TIAM2: variants seen among roughly 807,000 people sequenced by gnomAD.
TIAM2 encodes TIAM Rac1 associated GEF 2.
In TIAM2, 80 loss-of-function variants were observed where a neutral mutation model predicts 152.9. The ratio of observed to expected loss-of-function variants is 0.52; its 90% CI spans 0.44 to 0.63. The LOEUF is 0.63. TIAM2 is among the 30% of genes least tolerant of loss of function. The pLI is 0.00. For synonymous variants in TIAM2, 804 were observed against 838.0 expected (o/e 0.96, Z 0.70); for missense variants, 1,965 against 2,120.1 (o/e 0.93, Z 1.44).
intron 15 of TIAM2, among the ~76,000 whole-genome samples, chr6:155,234,012 GTT>G (rs1782610395): frequency 6.7e-6 from 1 of 148,208 alleles, no homozygotes. Context: ...TTGGGGGGGG[GTT>G]GGGGTTCAAT....
At chr6:155,210,918 A>T (rs1318467053) in intron 14 of TIAM2, among the ~76,000 whole-genome samples, 1 of 152,242 alleles carries the variant, frequency 6.6e-6, no homozygotes, top group Non-Finnish European at 1.5e-5. Context: ...AGGGGAGCAT[A>T]GTTCACACAA....
intron 1 of TIAM2, among the ~76,000 whole-genome samples, chr6:155,028,806 CTATA>C (rs1267247428): frequency 2.3e-5 from 3 of 130,250 alleles, no homozygotes; most frequent in African/African-American, 8.8e-5. Context: ...GTGTTATATA[CTATA>C]TATAATATAT....
At chr6:155,144,916 T>G in intron 6 of TIAM2, 138 bp downstream of exon 6, 2 of 953,438 alleles carry the variant, frequency 2.1e-6, no homozygotes, top group Non-Finnish European at 3.0e-6. Flanking sequence ...CAACAGATGT[T>G]GGCTTCCGCT....
At position 155,244,752 on chromosome 6, in the gene TIAM2, T is replaced by G. The variant is rs1255062941; in HGVS notation, c.3512T>G (p.Phe1171Cys). The change falls in exon 18 of 27, where the codon TTT (phenylalanine) becomes TGT (cysteine). Residue 1171 changes from phenylalanine to cysteine, a missense_variant. This residue lies in a region of TIAM2 where 935 missense variants were observed against 980.0 expected (regional missense o/e 0.95). Transcript: ENST00000682666. Reference sequence around the variant, plus strand: ...GATGGGATTTCAGCATCATCTGACTTTAACACCCTAGAAACCCCCTCACAG... The same window carrying G: ...GATGGGATTTCAGCATCATCTGACTGTAACACCCTAGAAACCCCCTCACAG... Reference protein sequence around the residue: ...LEDGISASSDFNTLETPSQFR... With the variant: ...LEDGISASSDCNTLETPSQFR... The G allele has an allele frequency of 5.6e-6, 9 of 1,613,816 alleles. No homozygotes were observed. The highest frequency in any genetic ancestry group is 7.6e-6 in the Non-Finnish European group (9 of 1,179,844).
chr6:155,117,807 A>T (rs1779050176), intron 2 of TIAM2, among the ~76,000 whole-genome samples: 1 of 152,156 alleles, frequency 6.6e-6, no homozygotes, highest in Non-Finnish European at 1.5e-5. Flanking sequence ...CCCTCCAGGC[A>T]CAAGCTGATG....
At chr6:155,127,762 C>T (rs992632141) in intron 3 of TIAM2, among the ~76,000 whole-genome samples, 162 bp downstream of exon 3, 3 of 152,308 alleles carry the variant, frequency 2.0e-5, no homozygotes, top group African/African-American at 7.2e-5. Context: ...TTTGTGGCTA[C>T]ACATTCTTAG....
At chr6:155,007,197 G>T (rs533232906) in intron 1 of TIAM2, among the ~76,000 whole-genome samples, 1 of 152,036 alleles carries the variant, frequency 6.6e-6, no homozygotes, top group Non-Finnish European at 1.5e-5. Flanking sequence ...CTCTCTTCCC[G>T]TCTCTTTTCC....
intron 4 of TIAM2, among the ~76,000 whole-genome samples, chr6:155,130,871 T>C (rs1779430209): frequency 6.6e-6 from 1 of 152,152 alleles, no homozygotes; most frequent in Non-Finnish European, 1.5e-5. Context: ...AGGACCCTAA[T>C]CCCATCATGG....
intron 15 of TIAM2, among the ~76,000 whole-genome samples, chr6:155,234,184 C>A (rs560428261): frequency 1.4e-4 from 21 of 152,198 alleles, no homozygotes; most frequent in South Asian, 1.0e-3. Flanking sequence ...CTGGAAAAAA[C>A]CAATCTGAGG....
chr6:155,143,762 G>A (rs1779763915), intron 5 of TIAM2, among the ~76,000 whole-genome samples: 1 of 152,146 alleles, frequency 6.6e-6, no homozygotes. Context: ...TCACATCCCT[G>A]CTGCTCCACA....
At chr6:155,017,015 T>G (rs980785166) in intron 1 of TIAM2, among the ~76,000 whole-genome samples, 1 of 152,190 alleles carries the variant, frequency 6.6e-6, no homozygotes, top group Non-Finnish European at 1.5e-5. Flanking sequence ...ATTCAAAAAG[T>G]TGATCTGATG....
At position 155,137,470 on chromosome 6, in the gene TIAM2, G is replaced by A; in HGVS notation, c.1488G>A (p.Leu496=). The change falls in exon 5 of 27, where the codon CTG becomes CTA. Residue 496 remains leucine, a synonymous_variant. Transcript: ENST00000682666. ...SSESLSSLEQ[L]DLLFEKEQGV... ...AGTCACTCAGCTCTCTGGAACAGCT[G>A]GATCTGCTCTTTGAGAAGGAACAGG... 1.2e-6 allele frequency: 2 copies of A among 1,614,246 alleles called. No individual in the cohort carries two copies. Among genetic ancestry groups the A allele is most frequent in the Non-Finnish European group, 1.7e-6 (2 of 1,180,036 alleles).
In TIAM2 at chr6:155,048,757, A is replaced by G. The variant is rs543714748; in HGVS notation, c.-208-41532A>G. Among the ~76,000 whole-genome samples, 5 of 151,802 alleles carry G rather than the reference A, an allele frequency of 3.3e-5. No individual in the cohort carries two copies. The East Asian group carries it at 9.7e-4, about 29-fold the overall frequency. ...TGCAACAAAGAAACAAACTCAGTGC[A>G]TGTTTGAACAGAAGGAGATCTTGAA... On this transcript the variant is annotated intron_variant, in intron 1 of 26. Coordinates refer to ENST00000682666, the MANE Select transcript of TIAM2 (RefSeq NM_012454.4).
chr6:155,067,622 G>A (rs183099699), intron 1 of TIAM2, among the ~76,000 whole-genome samples: 11 of 134,692 alleles, frequency 8.2e-5, no homozygotes, highest in African/African-American at 2.9e-4. Context: ...GTTAGATGAG[G>A]GTTAGGGATG....
Position 155,139,840 on chromosome 6 carries a change from T to C in TIAM2, c.1630+2228T>C, listed in dbSNP as rs932489194. 2.6e-5 allele frequency among the ~76,000 whole-genome samples: 4 copies of C among 152,196 alleles called. No individual in the cohort carries two copies. The East Asian group carries it at 7.7e-4, about 29-fold the overall frequency. On this transcript the variant is annotated intron_variant, in intron 5 of 26. Coordinates refer to ENST00000682666, the MANE Select transcript of TIAM2 (RefSeq NM_012454.4). ...CTGTAATCCCAGCTACTCAGGAGGC[T>C]GAGGCTGCAGAATCGCTTGAACCTG...
At chr6:155,102,767 T>TTGTGTGTGTGTGTGTGTGTG (rs56117781) in intron 2 of TIAM2, among the ~76,000 whole-genome samples, 1 of 145,652 alleles carries the variant, frequency 6.9e-6, no homozygotes, top group African/African-American at 2.5e-5. Context: ...GATTAATTTA[T>TTGTGTGTGTGTGTGTGTGTG]TGTGTGTGTG....
intron 7 of TIAM2, among the ~76,000 whole-genome samples, chr6:155,162,874 T>C (rs3792961): frequency 0.13 from 20,123 of 152,268 alleles, 1,427 homozygotes; most frequent in Admixed American, 0.2. Flanking sequence ...CACCTTGGAA[T>C]GTCACTGTTT....
rs35964434 is a variant in TIAM2 at position 155,176,873 on chromosome 6, G to A, written c.2419G>A (p.Ala807Thr). The change falls in exon 10 of 27, where the codon GCA becomes ACA. Residue 807 changes from alanine to threonine, a missense_variant. Around this residue, in one of 3 missense-constraint regions of TIAM2, gnomAD observed 1,025 missense variants for 1,119.4 expected, o/e 0.92. Transcript: ENST00000682666. ...STVDGVPRDN[A>T]WEIQTYVHFQ... ...AGTAGACGGTGTTCCCCGAGACAAT[G>A]CATGGGAAATCCAGACTTATGTCCA... 9.1e-4 allele frequency: 1,461 copies of A among 1,614,092 alleles called. 15 individuals carry two copies. The South Asian group carries it at 9.3e-3, about 10-fold the overall frequency.
At chr6:155,252,516 C>T (rs1051041073) in intron 23 of TIAM2, among the ~76,000 whole-genome samples, 2 of 152,074 alleles carry the variant, frequency 1.3e-5, no homozygotes, top group African/African-American at 2.4e-5. Context: ...CATATGGGGG[C>T]CTACATAGAA....
Sources: allele counts gnomAD v4.1 joint callset (sites outside exome capture counted in the v4.1 genomes callset), GRCh38; gene constraint gnomAD v4.1.1; regional missense constraint gnomAD v4.1.1; transcripts MANE v1.5; gene names NCBI Gene and HGNC (gene_info 2026-07-23, HGNC 2026-07-21).